Variants in RALGAPA1 observed in about 807,000 individuals in gnomAD.
The protein encoded by RALGAPA1 is Ral GTPase activating protein catalytic subunit alpha 1.
RALGAPA1 carries 52 observed loss-of-function variants against 269.6 expected under a neutral mutation model. The observed-to-expected ratio is 0.19, with a 90% CI of 0.15 to 0.24. The LOEUF (loss-of-function observed/expected upper bound fraction) is 0.24. RALGAPA1 is among the 10% of genes least tolerant of loss of function. The probability of loss-of-function intolerance (pLI) is 1.00; values close to 1 mark genes in which losing one functional copy is unlikely to be tolerated. For missense variants in RALGAPA1, 1,917 were observed against 3,013.9 expected (o/e 0.64, Z 8.52); for synonymous variants, 817 against 1,008.3 (o/e 0.81, Z 3.60).
intron 8 of RALGAPA1, 152 bp downstream of exon 8, chr14:35,751,872 T>A: frequency 9.8e-7 from 1 of 1,019,202 alleles, no homozygotes. Flanking sequence ...AATATAAATT[T>A]GCTTTCAGTA....
chr14:35,548,481 G>A (rs2054662075), intron 41 of RALGAPA1, 27 bp downstream of exon 41: 1 of 1,518,802 alleles, frequency 6.6e-7, no homozygotes, highest in Non-Finnish European at 8.9e-7. Context: ...AAGAACAGAG[G>A]GTGTTTTGGT....
rs879344677 is a variant in RALGAPA1, at chr14:35,653,731, G to A, written c.5607+636C>T. ...TTTAAGAGCAAGACCACACAAACCA[G>A]GAGAAGGCAACAGCAATATCTCAAG... On this transcript the variant is annotated intron_variant, in intron 30 of 41. Transcript: ENST00000680220. Among the ~76,000 whole-genome samples the A allele has an allele frequency of 4.6e-5, 7 of 151,892 alleles. 1 individual carries two copies. The highest frequency in any genetic ancestry group is 7.4e-5 in the Non-Finnish European group (5 of 67,994).
chr14:35,568,174 T>C (rs925645627), intron 39 of RALGAPA1, among the ~76,000 whole-genome samples: 1 of 152,144 alleles, frequency 6.6e-6, no homozygotes, highest in Non-Finnish European at 1.5e-5. Flanking sequence ...ACAGGTTGAG[T>C]ATCCCTAAGC....
chr14:35,674,823 AT>A (rs2064803900), intron 22 of RALGAPA1, 114 bp from the exon 23 acceptor site: 9 of 552,932 alleles, frequency 1.6e-5, no homozygotes, highest in African/African-American at 1.1e-4. Flanking sequence ...AATAAAAGAA[AT>A]GTCAACATAC....
intron 16 of RALGAPA1, among the ~76,000 whole-genome samples, chr14:35,713,122 A>T (rs2068503062): frequency 6.6e-6 from 1 of 152,248 alleles, no homozygotes; most frequent in South Asian, 2.1e-4. Flanking sequence ...TATCACTATG[A>T]CAAGAAGGTA....
At chr14:35,741,436 CTA>C (rs750713720) in intron 11 of RALGAPA1, among the ~76,000 whole-genome samples, 117 of 151,930 alleles carry the variant, frequency 7.7e-4, no homozygotes, top group South Asian at 2.1e-4. Flanking sequence ...GGAGGGTGCT[CTA>C]TGTTTGTGTG....
chr14:35,562,639 C>A (rs779506988), intron 39 of RALGAPA1, among the ~76,000 whole-genome samples: 11 of 152,158 alleles, frequency 7.2e-5, no homozygotes, highest in Non-Finnish European at 1.5e-4. Flanking sequence ...TCTTACCTAC[C>A]CAGTAAACTC....
At position 35,570,762 on chromosome 14, in the gene RALGAPA1, A is replaced by G. The variant is rs746633084; in HGVS notation, c.7369-18T>C. ...AAGGGAACCTGATTGAGAAATCAGA[A>G]CATAATTTTACATTCAAATTACAGA... On this transcript the variant is annotated intron_variant, in intron 38 of 41. Transcript: ENST00000680220. The G allele has an allele frequency of 6.4e-7, 1 of 1,568,516 alleles. No homozygotes were observed. Among genetic ancestry groups the G allele is most frequent in the Non-Finnish European group, 8.6e-7 (1 of 1,162,062 alleles).
chr14:35,760,800 A>C (rs986677187), intron 6 of RALGAPA1, 29 bp downstream of exon 6: 5 of 1,568,632 alleles, frequency 3.2e-6, no homozygotes, highest in Non-Finnish European at 4.4e-6. Flanking sequence ...GCTTAAACCT[A>C]CTGACGGATA....
chr14:35,659,158 A>C lies in RALGAPA1; in HGVS notation c.5367T>G (p.Asp1789Glu). 6 of 1,611,370 alleles carry C rather than the reference A, an allele frequency of 3.7e-6. No homozygotes were observed. Among genetic ancestry groups the C allele is most frequent in the Non-Finnish European group, 5.1e-6 (6 of 1,178,504 alleles). The change falls in exon 28 of 42, where the codon GAT becomes GAG. Residue 1789 changes from aspartate to glutamate, a missense_variant. Asp to Glu is a conservative substitution (Grantham distance 45). Around this residue, in one of 11 missense-constraint regions of RALGAPA1, gnomAD observed 346 missense variants for 566.1 expected, o/e 0.61. Coordinates refer to ENST00000680220, the MANE Select transcript of RALGAPA1 (RefSeq NM_001346249.2). ...CCTACCGTGCAGGACCAGAGGGCTC[A>C]TCTCTTGCCGAGCTTAATACAGTTT... ...IIKTVLSSARDEPSGPARCVA... is the reference protein window; with the variant it reads ...IIKTVLSSAREEPSGPARCVA...
chr14:35,541,166 C>T (rs2053956502), intron 41 of RALGAPA1, among the ~76,000 whole-genome samples: 1 of 151,312 alleles, frequency 6.6e-6, no homozygotes, highest in African/African-American at 2.4e-5. Context: ...CTGCCTCAGC[C>T]TCTTGAGTAG....
At chr14:35,703,983 T>G (rs887451050) in intron 16 of RALGAPA1, among the ~76,000 whole-genome samples, 1 of 152,138 alleles carries the variant, frequency 6.6e-6, no homozygotes, top group African/African-American at 2.4e-5. Flanking sequence ...GATGGACCCT[T>G]AACAGCATAT....
At position 35,609,605 on chromosome 14, in the gene RALGAPA1, A is replaced by G. The variant is rs934141124; in HGVS notation, c.6930-3896T>C. 2.0e-5 allele frequency among the ~76,000 whole-genome samples: 3 copies of G among 152,208 alleles called. No homozygotes were observed. In the South Asian group the frequency reaches 6.2e-4, roughly 31 times the overall value. Reference sequence around the variant, plus strand: ...ATGAAAGAACAAAAAGTTTTAAAAAAGATTTCATACCAATAACCAAACCTT... The same window carrying G: ...ATGAAAGAACAAAAAGTTTTAAAAAGGATTTCATACCAATAACCAAACCTT... On this transcript the variant is annotated intron_variant, in intron 35 of 41. Coordinates refer to ENST00000680220, the MANE Select transcript of RALGAPA1 (RefSeq NM_001346249.2).
intron 36 of RALGAPA1, among the ~76,000 whole-genome samples, chr14:35,604,794 T>C (rs1309612930): frequency 6.6e-6 from 1 of 152,146 alleles, no homozygotes; most frequent in Non-Finnish European, 1.5e-5. Context: ...ATTCAATATA[T>C]GTAAAATGTC....
chr14:35,626,353 C>T (rs1238752482), intron 34 of RALGAPA1, among the ~76,000 whole-genome samples: 1 of 152,134 alleles, frequency 6.6e-6, no homozygotes, highest in African/African-American at 2.4e-5. Flanking sequence ...CTGAGCTTCC[C>T]CTCCTACCAT....
intron 17 of RALGAPA1, among the ~76,000 whole-genome samples, chr14:35,691,070 A>T (rs1555405599): frequency 4.7e-5 from 7 of 149,372 alleles, no homozygotes. Flanking sequence ...ACTCCGTCTC[A>T]AATAATAATA....
intron 17 of RALGAPA1, among the ~76,000 whole-genome samples, chr14:35,691,025 T>C (rs902516495): frequency 4.0e-5 from 6 of 151,684 alleles, no homozygotes; most frequent in African/African-American, 7.3e-5. Context: ...GCCGAAATAA[T>C]GCCACTGCAC....
chr14:35,669,018 C>G (rs1235664075), intron 26 of RALGAPA1, among the ~76,000 whole-genome samples: 2 of 152,080 alleles, frequency 1.3e-5, no homozygotes, highest in African/African-American at 2.4e-5. Context: ...TTACCTCTGC[C>G]TGGAACACTG....
intron 11 of RALGAPA1, among the ~76,000 whole-genome samples, chr14:35,740,527 C>T (rs2071444024): frequency 6.6e-6 from 1 of 152,222 alleles, no homozygotes; most frequent in African/African-American, 2.4e-5. Context: ...CCACTTAGGT[C>T]AGGGGCTGTG....
Sources: gnomAD v4.1 joint callset for allele counts (sites outside exome capture counted in the v4.1 genomes callset) on GRCh38, gnomAD v4.1.1 for gene constraint, gnomAD v4.1.1 regional missense constraint, MANE v1.5 for transcripts, NCBI Gene and HGNC (gene_info 2026-07-23, HGNC 2026-07-21) for gene names.